The following CNTN2 variants were observed in gnomAD, a reference collection of about 807,000 sequenced individuals.
The protein encoded by CNTN2 is contactin 2, also known as contactin-2.
A neutral mutation model predicts 117.5 loss-of-function variants in CNTN2; 53 were observed. That is an observed-to-expected ratio of 0.45 (90% confidence interval 0.36 to 0.57). The LOEUF (loss-of-function observed/expected upper bound fraction) is 0.57. Among genes scored for constraint, CNTN2 ranks in the 20% least tolerant of loss-of-function variants. The pLI is 0.00. For synonymous variants in CNTN2, 530 were observed against 561.7 expected, an observed-to-expected ratio of 0.94 and a Z score of 0.80; for missense variants, 1,106 against 1,404.3, an observed-to-expected ratio of 0.79 and a Z score of 3.39.
rs1484582132 is a variant in CNTN2, at chr1:205,059,491, A to G, written c.698-92A>G. ...GGAGATTCCACACAGCTGCCTAGAC[A>G]GAGTTGGCTCTGAAAGGTGCTGAGA... On this transcript the variant is annotated intron_variant, in intron 6 of 22. Coordinates refer to ENST00000331830, the MANE Select transcript of CNTN2 (RefSeq NM_005076.5). This position sits in a 1 kb window ranked among gnomAD's most constrained non-coding sequence, Gnocchi z 5.6. The G allele has an allele frequency of 1.3e-5, 17 of 1,311,752 alleles. No individual in the cohort carries two copies. The highest frequency in any genetic ancestry group is 1.7e-5 in the Admixed American group (1 of 58,670). 81.3% of individuals were successfully genotyped at this position (1,311,752 alleles called of 1,614,324 possible). A position where few individuals can be genotyped will look rare whatever the true frequency, so the allele number is the denominator to read the frequency against.
At chr1:205,055,143 A>T (rs1319185119) in intron 2 of CNTN2, among the ~76,000 whole-genome samples, 2 of 151,988 alleles carry the variant, frequency 1.3e-5, no homozygotes, top group Non-Finnish European at 2.9e-5. Context: ...CCTCCCGAGT[A>T]GCTGGGATTA....
intron 1 of CNTN2, among the ~76,000 whole-genome samples, chr1:205,046,404 C>G (rs1394018155): frequency 6.6e-6 from 1 of 152,202 alleles, no homozygotes; most frequent in East Asian, 1.9e-4. Flanking sequence ...TGCTGGGCTT[C>G]CTCCAGCCTA....
rs1181459026 is a variant in CNTN2 at position 205,048,179 on chromosome 1, T to C, written c.-87+4785T>C. ...CATCGGAAGTTGCCAAATCTCTCAT[T>C]GCTCTCCAATCTCCATTACTGGGGA... On this transcript the variant is annotated intron_variant, in intron 1 of 22. Transcript: ENST00000331830. This position sits in a 1 kb window ranked among gnomAD's most constrained non-coding sequence, Gnocchi z 4.1. Among the ~76,000 whole-genome samples the C allele has an allele frequency of 1.3e-5, 2 of 152,178 alleles. No homozygotes were observed. Among genetic ancestry groups the C allele is most frequent in the Admixed American group, 1.3e-4 (2 of 15,278 alleles).
At position 205,058,201 on chromosome 1, in the gene CNTN2, A is replaced by G. The variant is rs765954201; in HGVS notation, c.236A>G (p.Glu79Gly). ...TGCAGGTGGAAGATGAATGGTACCG[A>G]GATGAAGCTGGAGCCAGGTTCCCGT... ...ATYRWKMNGT[E>G]MKLEPGSRHQ... The change falls in exon 4 of 23, where the codon GAG becomes GGG. Residue 79 changes from glutamate (E) to glycine (G), a missense_variant. By Grantham distance (98) the Glu-to-Gly change is moderately conservative. Transcript: ENST00000331830. The surrounding 1 kb of genome is among the most constrained non-coding windows in gnomAD (Gnocchi z 4.3). The G allele has an allele frequency of 6.3e-7, 1 of 1,584,352 alleles. No individual in the cohort carries two copies. Among genetic ancestry groups the G allele is most frequent in the Non-Finnish European group, 8.6e-7 (1 of 1,165,416 alleles).
chr1:205,073,157 C>A lies in CNTN2; in HGVS notation c.2934C>A (p.Gly978=), dbSNP rs138851018. 5 of 1,614,056 alleles carry A rather than the reference C, an allele frequency of 3.1e-6. No individual in the cohort carries two copies. The African/African-American group carries it at 6.7e-5, about 22-fold the overall frequency. Reference sequence around the variant, plus strand: ...AAATCCCAGTGCCTGAAGACATTGGCCATGCCCTGGTACAAATTCGGACCA... The same window carrying A: ...AAATCCCAGTGCCTGAAGACATTGGACATGCCCTGGTACAAATTCGGACCA... ...WIEIPVPEDI[G]HALVQIRTTG... is the part of the protein sequence containing the mutation. Residue 978 remains glycine, a synonymous_variant, in exon 22 of 23, where the codon GGC becomes GGA. Coordinates refer to ENST00000331830, the MANE Select transcript of CNTN2 (RefSeq NM_005076.5). This position sits in a 1 kb window ranked among gnomAD's most constrained non-coding sequence, Gnocchi z 6.3.
rs1194034614 is a variant in CNTN2 at position 205,078,175 on chromosome 1, G to A, written c.*4410G>A. The A allele has an allele frequency of 6.6e-6, 1 of 152,214 alleles. No individual in the cohort carries two copies. Among genetic ancestry groups the A allele is most frequent in the Non-Finnish European group, 1.5e-5 (1 of 68,064 alleles). 9.4% of individuals were successfully genotyped at this position (152,214 alleles called of 1,614,324 possible). A position where few individuals can be genotyped will look rare whatever the true frequency, so the allele number is the denominator to read the frequency against. ...TGCTTCATCCAGTCCCAGGAGGAGG[G>A]AAAAATTAGGCCAAGATCTTAAGGC... On this transcript the variant is annotated 3_prime_UTR_variant, in exon 23 of 23. Transcript: ENST00000331830.
At chr1:205,071,833 A>G (rs1654607709) in intron 19 of CNTN2, 114 bp from the exon 20 acceptor site, 1 of 1,032,236 alleles carries the variant, frequency 9.7e-7, no homozygotes, top group African/African-American at 1.6e-5. Flanking sequence ...TCTGAGGCCT[A>G]AGACTGGGTC....
At position 205,070,468 on chromosome 1, in the gene CNTN2, C is replaced by T. The variant is rs965462537; in HGVS notation, c.2474C>T (p.Ser825Leu). ...ACCAAGGTGTGGGCCAAAGGGGTCT[C>T]ATCCTCAGAGATGAACGTGACCTGG... ...APTKVWAKGV[S>L]SSEMNVTWEP... The change falls in exon 19 of 23, where the codon TCA (serine) becomes TTA (leucine). Residue 825 changes from serine (S) to leucine (L), a missense_variant. By Grantham distance (145) the Ser-to-Leu change is moderately radical. Transcript: ENST00000331830. 3.7e-6 allele frequency: 6 copies of T among 1,613,906 alleles called. No homozygotes were observed. The highest frequency in any genetic ancestry group is 1.6e-4 in the Middle Eastern group (1 of 6,082).
intron 19 of CNTN2, among the ~76,000 whole-genome samples, chr1:205,071,403 T>C (rs951921037): frequency 1.3e-5 from 2 of 152,214 alleles, no homozygotes; most frequent in African/African-American, 4.8e-5. Flanking sequence ...CACAAGTTCA[T>C]TCTAGTAGAG....
Position 205,059,453 on chromosome 1 carries a change from C to A in CNTN2, c.698-130C>A. On this transcript the variant is annotated intron_variant, in intron 6 of 22. Transcript: ENST00000331830. The surrounding 1 kb of genome is among the most constrained non-coding windows in gnomAD (Gnocchi z 5.6). Reference sequence around the variant, plus strand: ...CCTGCTTCAAATCCTGAGGCCCTTGCCCCAGGCCTCAAGGAGATTCCACAC... The same window carrying A: ...CCTGCTTCAAATCCTGAGGCCCTTGACCCAGGCCTCAAGGAGATTCCACAC... 1 of 1,175,424 alleles carries A rather than the reference C, an allele frequency of 8.5e-7. No individual in the cohort carries two copies. Among genetic ancestry groups the A allele is most frequent in the Non-Finnish European group, 1.2e-6 (1 of 803,556 alleles). The allele number at this position is 1,175,424 out of a possible 1,614,324, so 72.8% of individuals were successfully genotyped here. A position where few individuals can be genotyped will look rare whatever the true frequency, so the allele number is the denominator to read the frequency against.
intron 16 of CNTN2, chr1:205,069,090 G>T: frequency 6.0e-6 from 1 of 165,732 alleles, no homozygotes; most frequent in East Asian, 1.7e-4. Flanking sequence ...ATTTTAAAGC[G>T]AGTGAGAGTT....
Position 205,073,064 on chromosome 1 carries a change from A to G in CNTN2, c.2845-4A>G. On this transcript the variant is annotated splice_polypyrimidine_tract_variant and splice_region_variant and intron_variant, in intron 21 of 22. Transcript: ENST00000331830. The surrounding 1 kb of genome is among the most constrained non-coding windows in gnomAD (Gnocchi z 6.3). ...AACTCCACCTGGAAACCTCCTTCCC[A>G]CAGATGCTGTACCAGAATGACTTAC... 1.2e-6 allele frequency: 2 copies of G among 1,613,970 alleles called. No homozygotes were observed. Among genetic ancestry groups the G allele is most frequent in the East Asian group, 2.2e-5 (1 of 44,876 alleles).
chr1:205,072,120 G>T lies in CNTN2; in HGVS notation c.2718G>T (p.Thr906=), dbSNP rs916758253. 1 of 1,610,814 alleles carries T rather than the reference G, an allele frequency of 6.2e-7. No individual in the cohort carries two copies. Among genetic ancestry groups the T allele is most frequent in the African/African-American group, 1.3e-5 (1 of 74,904 alleles). The part of the protein sequence containing the change: ...TGPASPSANA[T]TMKPPPRRPP... ...CTGCCAGCCCTTCTGCCAACGCCAC[G>T]ACCATGAAGCCCCGTGAGTCTGTCT... is the stretch of plus-strand genomic sequence containing the variant. Residue 906 remains threonine, a synonymous_variant, in exon 20 of 23, where the codon ACG becomes ACT. Transcript: ENST00000331830.
Position 205,059,609 on chromosome 1 carries a change from A to T in CNTN2, c.724A>T (p.Lys242Ter). The T allele has an allele frequency of 6.2e-7, 1 of 1,614,108 alleles. No individual in the cohort carries two copies. The highest frequency in any genetic ancestry group is 8.5e-7 in the Non-Finnish European group (1 of 1,180,022). ...EDTRLFAPSI[K>*]ARFPAETYAL... Reference sequence around the variant, plus strand: ...TACCCGGCTCTTTGCACCCAGCATCAAGGCCCGGTTCCCAGCAGAGACCTA... The same window carrying T: ...TACCCGGCTCTTTGCACCCAGCATCTAGGCCCGGTTCCCAGCAGAGACCTA... The change falls in exon 7 of 23, where the codon AAG (lysine) becomes TAG (stop). Residue 242 changes from lysine to a stop codon, truncating the protein, a stop_gained. Transcript: ENST00000331830. LOFTEE classifies it high-confidence loss of function. This position sits in a 1 kb window ranked among gnomAD's most constrained non-coding sequence, Gnocchi z 5.6.
intron 17 of CNTN2, 113 bp from the exon 18 acceptor site, chr1:205,069,714 C>T (rs892236201): frequency 1.4e-6 from 2 of 1,424,710 alleles, no homozygotes; most frequent in Non-Finnish European, 1.9e-6. Flanking sequence ...CGAATCCACG[C>T]TGCAGGCGTA....
intron 2 of CNTN2, among the ~76,000 whole-genome samples, chr1:205,056,991 T>C (rs1379683778): frequency 6.6e-6 from 1 of 152,168 alleles, no homozygotes; most frequent in Admixed American, 6.5e-5. Context: ...ATTTCTTGAA[T>C]TGTGATACTG....
chr1:205,065,835 A>G lies in CNTN2; in HGVS notation c.1742A>G (p.His581Arg). 1.9e-6 allele frequency: 3 copies of G among 1,602,432 alleles called. No individual in the cohort carries two copies. Among genetic ancestry groups the G allele is most frequent in the Non-Finnish European group, 1.7e-6 (2 of 1,172,078 alleles). ...DLTILNAQLR[H>R]GGKYTCMAQT... ...ACCATCCTGAACGCCCAGCTGCGCC[A>G]TGGGGGGAAGTACACGTGCATGGCC... The change falls in exon 14 of 23, where the codon CAT (histidine) becomes CGT (arginine). Residue 581 changes from histidine (H) to arginine (R), a missense_variant. Transcript: ENST00000331830. This position sits in a 1 kb window ranked among gnomAD's most constrained non-coding sequence, Gnocchi z 4.1.
At position 205,064,453 on chromosome 1, in the gene CNTN2, AT is replaced by A; in HGVS notation, c.1376del (p.Leu459TrpfsTer7). 6.2e-7 allele frequency: 1 copy of A among 1,609,850 alleles called. No homozygotes were observed. The highest frequency in any genetic ancestry group is 8.5e-7 in the Non-Finnish European group (1 of 1,176,650). On this transcript the variant is annotated frameshift_variant, in exon 11 of 23. Transcript: ENST00000331830. LOFTEE classifies it high-confidence loss of function. ...GGTGCTCTGGAGCAAAGGCACGGAGATTTTGGTCAACAGCAGCAGGTACCAC... is the reference window on the plus strand; with the variant it reads ...GGTGCTCTGGAGCAAAGGCACGGAGATTTGGTCAACAGCAGCAGGTACCAC... ...AVVLWSKGTE[I>X]LVNSSRVTVT... is the part of the protein sequence containing the mutation.
rs1654150192 is a variant in CNTN2, at chr1:205,064,303, C to T, written c.1241-19C>T. The T allele has an allele frequency of 1.3e-6, 2 of 1,540,466 alleles. No individual in the cohort carries two copies. The highest frequency in any genetic ancestry group is 1.8e-6 in the Non-Finnish European group (2 of 1,140,276). On this transcript the variant is annotated intron_variant, in intron 10 of 22. Transcript: ENST00000331830. ...AGGGTGACAGTACTTTTCTCTGTGG[C>T]TCTCCCCTTTCCTTCTAGCACTCGC... is the stretch of plus-strand genomic sequence containing the variant.
Sources: allele counts gnomAD v4.1 joint callset (sites outside exome capture counted in the v4.1 genomes callset), GRCh38; gene constraint gnomAD v4.1.1; non-coding constraint Gnocchi (gnomAD v3.1); transcripts MANE v1.5; gene names NCBI Gene and HGNC (gene_info 2026-07-23, HGNC 2026-07-21).